Variants in LHFPL3 observed in about 807,000 individuals in gnomAD.
LHFPL3 encodes the protein LHFPL tetraspan subfamily member 3 protein.
LHFPL3 carries 5 observed loss-of-function variants against 19.3 expected under a neutral mutation model. The ratio of observed to expected loss-of-function variants is 0.26; its 90% CI spans 0.14 to 0.54. The LOEUF (loss-of-function observed/expected upper bound fraction) is 0.54, where lower values mean the gene tolerates loss of function less well. LHFPL3 is among the 20% of genes least tolerant of loss of function. LHFPL3 has a pLI of 0.94. For missense variants in LHFPL3, 249 were observed against 307.4 expected, an observed-to-expected ratio of 0.81 and a Z score of 1.42; for synonymous variants, 133 against 126.2, an observed-to-expected ratio of 1.05 and a Z score of -0.36.
At chr7:104,626,007 CA>C (rs1791538133) in intron 1 of LHFPL3, among the ~76,000 whole-genome samples, 1 of 152,188 alleles carries the variant, frequency 6.6e-6, no homozygotes, top group African/African-American at 2.4e-5. Context: ...TAATAAGTTC[CA>C]CTGTCACCCT....
At chr7:104,421,765 A>G (rs934685465) in intron 1 of LHFPL3, among the ~76,000 whole-genome samples, 7 of 152,246 alleles carry the variant, frequency 4.6e-5, no homozygotes, top group African/African-American at 1.2e-4. Flanking sequence ...TTGTAAAGAA[A>G]AGATAGCTGA....
intron 1 of LHFPL3, among the ~76,000 whole-genome samples, chr7:104,659,724 A>C (rs1792189114): frequency 6.6e-6 from 1 of 152,162 alleles, no homozygotes; most frequent in Admixed American, 6.5e-5. Flanking sequence ...GACTTCTCAA[A>C]ATCAGGAAGG....
At chr7:104,807,795 G>T (rs973115461) in intron 2 of LHFPL3, among the ~76,000 whole-genome samples, 2 of 152,166 alleles carry the variant, frequency 1.3e-5, no homozygotes, top group Non-Finnish European at 2.9e-5. Flanking sequence ...TTCTATCTTT[G>T]TACTCCCTCC....
intron 1 of LHFPL3, among the ~76,000 whole-genome samples, chr7:104,641,690 GA>G (rs950017744): frequency 6.6e-6 from 1 of 152,158 alleles, no homozygotes; most frequent in African/African-American, 2.4e-5. Context: ...AAATTGAGGG[GA>G]GGGGGAAAGC....
chr7:104,497,199 G>T (rs189258696), intron 1 of LHFPL3, among the ~76,000 whole-genome samples: 166 of 150,712 alleles, frequency 1.1e-3, no homozygotes, highest in African/African-American at 3.8e-3. Flanking sequence ...CCCAGAGCAT[G>T]TCTTATGCAT....
In LHFPL3 at chr7:104,328,932, CGT is replaced by C; in HGVS notation, c.155_156del (p.Val52GlyfsTer109). On this transcript the variant is annotated frameshift_variant, in exon 1 of 3. Coordinates refer to ENST00000424859, the MANE Select transcript of LHFPL3 (RefSeq NM_199000.3). LOFTEE classifies it high-confidence loss of function. The surrounding 1 kb of genome is among the most constrained non-coding windows in gnomAD (Gnocchi z 4.6). ...IFTICFAIVN[V>X]VCFIQPYWIG... ...TCACCATCTGCTTTGCCATCGTCAA[CGT>C]GGTGTGCTTCATCCAGCCCTACTGG... 6.2e-7 allele frequency: 1 copy of C among 1,614,218 alleles called. No individual in the cohort carries two copies.
At chr7:104,542,443 G>A (rs1794503249) in intron 1 of LHFPL3, among the ~76,000 whole-genome samples, 1 of 151,910 alleles carries the variant, frequency 6.6e-6, no homozygotes, top group Non-Finnish European at 1.5e-5. Flanking sequence ...GTAGGTGTGG[G>A]GACTGTTATC....
intron 1 of LHFPL3, among the ~76,000 whole-genome samples, chr7:104,583,667 CAGA>C (rs1444431846): frequency 6.6e-6 from 1 of 152,170 alleles, no homozygotes; most frequent in African/African-American, 2.4e-5. Context: ...AGACACCTCT[CAGA>C]AGAAGACATT....
chr7:104,451,577 A>G (rs1038318271), intron 1 of LHFPL3, among the ~76,000 whole-genome samples: 3 of 151,594 alleles, frequency 2.0e-5, no homozygotes, highest in Non-Finnish European at 4.4e-5. Context: ...CATACCACAC[A>G]TATCATAACT....
chr7:104,426,905 T>C (rs1407588824), intron 1 of LHFPL3, among the ~76,000 whole-genome samples: 2 of 152,174 alleles, frequency 1.3e-5, no homozygotes, highest in African/African-American at 2.4e-5. Flanking sequence ...AGAAATTGTG[T>C]TTTATTCATA....
chr7:104,469,618 C>A (rs900351964), intron 1 of LHFPL3, among the ~76,000 whole-genome samples: 6 of 152,138 alleles, frequency 3.9e-5, no homozygotes, highest in South Asian at 4.1e-4. Flanking sequence ...TTCCTGCTTA[C>A]CCCACCTGGA....
chr7:104,593,611 G>A (rs9663021), intron 1 of LHFPL3, among the ~76,000 whole-genome samples: 2 of 152,252 alleles, frequency 1.3e-5, no homozygotes, highest in African/African-American at 4.8e-5. Context: ...CTTCTGTCTT[G>A]TTGATCTGTC....
chr7:104,460,879 G>A (rs1792649283), intron 1 of LHFPL3, among the ~76,000 whole-genome samples: 1 of 152,108 alleles, frequency 6.6e-6, no homozygotes, highest in South Asian at 2.1e-4. Context: ...TGCTTTTGTT[G>A]TGATTGCTTC....
chr7:104,336,503 TAAA>T (rs34831677), intron 1 of LHFPL3, among the ~76,000 whole-genome samples: 1 of 146,822 alleles, frequency 6.8e-6, no homozygotes, highest in Non-Finnish European at 1.5e-5. Flanking sequence ...CTTTTTTGCT[TAAA>T]AAAAAAAAAA....
intron 1 of LHFPL3, among the ~76,000 whole-genome samples, chr7:104,598,372 G>A (rs148259785): frequency 1.3e-5 from 2 of 152,240 alleles, no homozygotes; most frequent in East Asian, 3.9e-4. Context: ...TTAAACATGT[G>A]GAATCAAGAT....
rs1791015993 is a variant in LHFPL3, at chr7:104,603,133, T to C, written c.446-133542T>C. Reference sequence around the variant, plus strand: ...TTCTTTCTTTCTTTCTTTCTTTCTTTTTTCCCTTCCTTCCTTCCTTCCTTC... The same window carrying C: ...TTCTTTCTTTCTTTCTTTCTTTCTTCTTTCCCTTCCTTCCTTCCTTCCTTC... On this transcript the variant is annotated intron_variant, in intron 1 of 2. Transcript: ENST00000424859. Among the ~76,000 whole-genome samples, 11 of 123,832 alleles carry C rather than the reference T, an allele frequency of 8.9e-5. No individual in the cohort carries two copies. The East Asian group carries it at 1.1e-3, about 13-fold the overall frequency. 81.2% of individuals were successfully genotyped at this position (123,832 alleles called of 152,430 possible). A position where few individuals can be genotyped will look rare whatever the true frequency, so the allele number is the denominator to read the frequency against.
At chr7:104,892,708 C>CAAAAAAAAAAAAAAAAAAAAAA (rs35855839) in intron 2 of LHFPL3, among the ~76,000 whole-genome samples, 1 of 68,476 alleles carries the variant, frequency 1.5e-5, no homozygotes. Flanking sequence ...GAGACTGTCT[C>CAAAAAAAAAAAAAAAAAAAAAA]AAAAAAAAAA....
chr7:104,730,790 T>G (rs1030175266), intron 1 of LHFPL3, among the ~76,000 whole-genome samples: 1 of 152,232 alleles, frequency 6.6e-6, no homozygotes, highest in African/African-American at 2.4e-5. Context: ...TTGCCATTAC[T>G]TTTGGTGTTT....
At chr7:104,753,831 A>G (rs942493508) in intron 2 of LHFPL3, among the ~76,000 whole-genome samples, 10 of 152,260 alleles carry the variant, frequency 6.6e-5, no homozygotes, top group Non-Finnish European at 1.3e-4. Context: ...AATGCAAGTT[A>G]AAACAGTGAG....
Sources: allele counts gnomAD v4.1 joint callset (sites outside exome capture counted in the v4.1 genomes callset), GRCh38; gene constraint gnomAD v4.1.1; non-coding constraint Gnocchi (gnomAD v3.1); transcripts MANE v1.5; gene names NCBI Gene and HGNC (gene_info 2026-07-23, HGNC 2026-07-21).